KCNQ3: variants seen among roughly 807,000 people sequenced by gnomAD.
KCNQ3 encodes the protein potassium voltage-gated channel subfamily Q member 3.
A neutral mutation model predicts 92.5 loss-of-function variants in KCNQ3; 30 were observed. The ratio of observed to expected loss-of-function variants is 0.32; its 90% CI spans 0.24 to 0.44. The LOEUF (loss-of-function observed/expected upper bound fraction) is 0.44, where lower values mean the gene tolerates loss of function less well. Among genes scored for constraint, KCNQ3 ranks in the 20% least tolerant of loss-of-function variants. The pLI, the probability that KCNQ3 is intolerant of heterozygous loss-of-function variation, is 1.00. For synonymous variants in KCNQ3, 450 were observed against 468.8 expected (o/e 0.96, Z 0.52); for missense variants, 913 against 1,140.3 (o/e 0.80, Z 2.87).
At chr8:132,209,451 T>C (rs1221578318) in intron 1 of KCNQ3, among the ~76,000 whole-genome samples, 1 of 152,108 alleles carries the variant, frequency 6.6e-6, no homozygotes, top group Admixed American at 6.5e-5. Flanking sequence ...TGGAAAATTG[T>C]GCCTGCTCTG....
rs553504862 is a variant in KCNQ3, at chr8:132,221,209, T to C, written c.387-35028A>G. Among the ~76,000 whole-genome samples the C allele has an allele frequency of 1.6e-3, 246 of 152,368 alleles. 2 individuals are homozygous for C. The highest frequency in any genetic ancestry group is 4.6e-4 in the Non-Finnish European group (31 of 68,036). On this transcript the variant is annotated intron_variant, in intron 1 of 14. Transcript: ENST00000388996. ...TATGTGCCACATTTTCTTAATCCAG[T>C]CTACCATTGATGGACATATAGGTTG...
At chr8:132,223,737 G>A (rs185715270) in intron 1 of KCNQ3, among the ~76,000 whole-genome samples, 44 of 152,188 alleles carry the variant, frequency 2.9e-4, no homozygotes, top group South Asian at 1.0e-3. Context: ...TATAAACTCT[G>A]GGAGGTTCTG....
chr8:132,211,689 A>T (rs1813859465), intron 1 of KCNQ3, among the ~76,000 whole-genome samples: 1 of 152,150 alleles, frequency 6.6e-6, no homozygotes, highest in Non-Finnish European at 1.5e-5. Context: ...ATGGTGGCTC[A>T]TGCCTGTAAT....
rs535639092 is a variant in KCNQ3, at chr8:132,121,837, T to C, written c.*7425A>G. ...GAGAACAAGGGGCACTTGTGGATGATCTGCAGCCACACCAAGCCCCGAGAG... is the reference window on the plus strand; with the variant it reads ...GAGAACAAGGGGCACTTGTGGATGACCTGCAGCCACACCAAGCCCCGAGAG... On this transcript the variant is annotated 3_prime_UTR_variant, in exon 15 of 15. Coordinates refer to ENST00000388996, the MANE Select transcript of KCNQ3 (RefSeq NM_004519.4). 6.6e-6 allele frequency: 1 copy of C among 152,182 alleles called. No homozygotes were observed. Among genetic ancestry groups the C allele is most frequent in the African/African-American group, 2.4e-5 (1 of 41,444 alleles). The allele number at this position is 152,182 out of a possible 1,614,324, so 9.4% of individuals were successfully genotyped here.
chr8:132,432,844 T>C (rs1217012612), intron 1 of KCNQ3, among the ~76,000 whole-genome samples: 2 of 152,228 alleles, frequency 1.3e-5, no homozygotes, highest in African/African-American at 4.8e-5. Flanking sequence ...ATGTCTTTCT[T>C]GTGCCAGGCA....
At position 132,129,942 on chromosome 8, in the gene KCNQ3, T is replaced by A. The variant is rs1274926731; in HGVS notation, c.1939A>T (p.Met647Leu). Residue 647 changes from methionine to leucine, a missense_variant, in exon 15 of 15, where the codon ATG (methionine) becomes TTG (leucine). Transcript: ENST00000388996. The surrounding 1 kb of genome is among the most constrained non-coding windows in gnomAD (Gnocchi z 5.9). ...GTGACCTGCACCTGCAACCGTTCCA[T>A]GTGTTGCATGTGCATATCCACGAGG... ...DFLVDMHMQH[M>L]ERLQVQVTEY... 6.2e-6 allele frequency: 10 copies of A among 1,613,858 alleles called. No homozygotes were observed. The highest frequency in any genetic ancestry group is 5.9e-6 in the Non-Finnish European group (7 of 1,179,898).
At chr8:132,302,057 T>C (rs1817232009) in intron 1 of KCNQ3, among the ~76,000 whole-genome samples, 1 of 152,008 alleles carries the variant, frequency 6.6e-6, no homozygotes, top group African/African-American at 2.4e-5. Flanking sequence ...CCAGTCCAGG[T>C]TTAACATGTG....
At chr8:132,342,079 C>T (rs1818546419) in intron 1 of KCNQ3, among the ~76,000 whole-genome samples, 1 of 152,094 alleles carries the variant, frequency 6.6e-6, no homozygotes, top group Non-Finnish European at 1.5e-5. Flanking sequence ...TTGCCCTGTC[C>T]CCTTCCCAAT....
chr8:132,187,833 T>TGTGGTGGTGGTGGTGGTGGTGATG, intron 1 of KCNQ3, among the ~76,000 whole-genome samples: 1 of 77,240 alleles, frequency 1.3e-5, no homozygotes, highest in South Asian at 4.2e-4. Flanking sequence ...TGGTGGTGAT[T>TGTGGTGGTGGTGGTGGTGGTGATG]GTGGTGGTGG....
chr8:132,194,907 C>T (rs551307093), intron 1 of KCNQ3, among the ~76,000 whole-genome samples: 1 of 152,310 alleles, frequency 6.6e-6, no homozygotes, highest in South Asian at 2.1e-4. Flanking sequence ...CAACTCCCAG[C>T]CTGCTACATC....
intron 1 of KCNQ3, among the ~76,000 whole-genome samples, chr8:132,403,032 A>AAAAAAAAAAAAAAAAAAAAAAT (rs61533581): frequency 6.7e-6 from 1 of 148,662 alleles, no homozygotes; most frequent in African/African-American, 2.5e-5. Context: ...AAAAAAAAAA[A>AAAAAAAAAAAAAAAAAAAAAAT]GTGTCAATAT....
chr8:132,388,315 C>T (rs772331894), intron 1 of KCNQ3, among the ~76,000 whole-genome samples: 118 of 152,206 alleles, frequency 7.8e-4, no homozygotes, highest in Middle Eastern at 6.8e-3. Flanking sequence ...ATATTCACAC[C>T]TTGACCAACT....
intron 1 of KCNQ3, among the ~76,000 whole-genome samples, chr8:132,325,284 T>C (rs1346085972): frequency 6.6e-6 from 1 of 152,052 alleles, no homozygotes; most frequent in African/African-American, 2.4e-5. Context: ...GAGAAGTGTG[T>C]TGGGGGTCAA....
Position 132,325,261 on chromosome 8 carries a change from G to A in KCNQ3, c.387-139080C>T, listed in dbSNP as rs139085789. On this transcript the variant is annotated intron_variant, in intron 1 of 14. Transcript: ENST00000388996. ...GGACTTCATAAAATGTTGGACTCAC[G>A]GGATGCAGGAGAGAGAAGTGTGTTG... 5.9e-3 allele frequency among the ~76,000 whole-genome samples: 898 copies of A among 152,206 alleles called. 8 individuals are homozygous for A. The highest frequency in any genetic ancestry group is 0.02 in the African/African-American group (845 of 41,516).
At position 132,279,248 on chromosome 8, in the gene KCNQ3, G is replaced by A. The variant is rs141849836; in HGVS notation, c.387-93067C>T. ...AAATGCAGATGCTTAGATCCTAACCGCCAGTGATTCTGATTTATTAAATAT... is the reference window on the plus strand; with the variant it reads ...AAATGCAGATGCTTAGATCCTAACCACCAGTGATTCTGATTTATTAAATAT... On this transcript the variant is annotated intron_variant, in intron 1 of 14. Transcript: ENST00000388996. 7.2e-5 allele frequency among the ~76,000 whole-genome samples: 11 copies of A among 152,196 alleles called. No homozygotes were observed. In the East Asian group the frequency reaches 1.7e-3, roughly 24 times the overall value.
chr8:132,213,444 AAGG>A (rs1208558193), intron 1 of KCNQ3, among the ~76,000 whole-genome samples: 2 of 152,142 alleles, frequency 1.3e-5, no homozygotes, highest in African/African-American at 4.8e-5. Flanking sequence ...GGTCTCCTTG[AAGG>A]AGTTTTCCCA....
At chr8:132,375,692 C>T (rs73345960) in intron 1 of KCNQ3, among the ~76,000 whole-genome samples, 9,607 of 152,232 alleles carry the variant, frequency 0.063, 344 homozygotes, top group South Asian at 0.14. Flanking sequence ...CAAGAATGCA[C>T]GGAAACAATT....
intron 1 of KCNQ3, among the ~76,000 whole-genome samples, chr8:132,347,709 G>T (rs1389958409): frequency 2.0e-5 from 3 of 152,178 alleles, no homozygotes; most frequent in Non-Finnish European, 2.9e-5. Flanking sequence ...CGGGCGCAGT[G>T]GCTCACGCCT....
intron 1 of KCNQ3, among the ~76,000 whole-genome samples, chr8:132,303,677 T>TACACACACACAC (rs1554642855): frequency 1.2e-5 from 1 of 85,990 alleles, no homozygotes; most frequent in Non-Finnish European, 2.2e-5. Context: ...TATATATATA[T>TACACACACACAC]ACACACACAC....
Sources: gnomAD v4.1 joint callset for allele counts (sites outside exome capture counted in the v4.1 genomes callset) on GRCh38, gnomAD v4.1.1 for gene constraint, Gnocchi (gnomAD v3.1) non-coding constraint, MANE v1.5 for transcripts, NCBI Gene and HGNC (gene_info 2026-07-23, HGNC 2026-07-21) for gene names.